FBF1: variants seen among roughly 807,000 people sequenced by gnomAD.
The protein encoded by FBF1 is fas-binding factor 1.
FBF1 carries 119 observed loss-of-function variants against 147.2 expected under a neutral mutation model. The ratio of observed to expected loss-of-function variants is 0.81; its 90% confidence interval spans 0.70 to 0.94. The LOEUF is 0.94. Ranked by LOEUF, FBF1 falls within the 40% of genes least tolerant of loss-of-function variation. FBF1 has a pLI of 0.00. For synonymous variants in FBF1, 601 were observed against 609.0 expected (o/e 0.99, Z 0.19); for missense variants, 1,449 against 1,500.8 (o/e 0.97, Z 0.57).
In FBF1 at chr17:75,919,687, G is replaced by T. The variant is rs769907227; in HGVS notation, c.2119C>A (p.Arg707=). Residue 707 remains arginine, a synonymous_variant, in exon 20 of 30, where the codon CGG becomes AGG. Coordinates refer to ENST00000636174, the MANE Select transcript of FBF1 (RefSeq NM_001319193.2). The surrounding 1 kb of genome is among the most constrained non-coding windows in gnomAD (Gnocchi z 5.0). ...CCTCACCGCTGCAGCTCCCGGAGCC[G>T]CTCCATTTCCTGGTCCTTCTCCTGC... ...IAQEKDQEME[R]LRELQRASIL... 15 of 1,608,122 alleles carry T rather than the reference G, an allele frequency of 9.3e-6. No individual in the cohort carries two copies. Among genetic ancestry groups the T allele is most frequent in the Non-Finnish European group, 1.3e-5 (15 of 1,178,238 alleles).
Position 75,926,418 on chromosome 17 carries a change from T to C in FBF1, c.604A>G (p.Ile202Val), listed in dbSNP as rs2065562361. 2 of 1,567,474 alleles carry C rather than the reference T, an allele frequency of 1.3e-6. No homozygotes were observed. The highest frequency in any genetic ancestry group is 4.5e-5 in the East Asian group (2 of 44,498). The change falls in exon 11 of 30, where the codon ATT (isoleucine) becomes GTT (valine). Residue 202 changes from isoleucine to valine, a missense_variant. Ile to Val is a conservative substitution (Grantham distance 29, BLOSUM62 3). Transcript: ENST00000636174. ...PSTVRDQGPSIPLTPGDTPIR... is the reference protein window; with the variant it reads ...PSTVRDQGPSVPLTPGDTPIR... ...GGGGTGTCCCCAGGAGTTAGAGGAATAGAGGGACCTGAAAGACAAAACAAG... is the reference window on the plus strand; with the variant it reads ...GGGGTGTCCCCAGGAGTTAGAGGAACAGAGGGACCTGAAAGACAAAACAAG...
chr17:75,928,203 C>A lies in FBF1; in HGVS notation c.280-10G>T. On this transcript the variant is annotated splice_polypyrimidine_tract_variant and intron_variant, in intron 7 of 29. Coordinates refer to ENST00000636174, the MANE Select transcript of FBF1 (RefSeq NM_001319193.2). The surrounding 1 kb of genome is among the most constrained non-coding windows in gnomAD (Gnocchi z 4.2). ...CCATGCCGTCCAGGTCCTAGAAAAC[C>A]AGGGAGGGAGGGCAGAGGACTATGT... 1 of 1,612,394 alleles carries A rather than the reference C, an allele frequency of 6.2e-7. No homozygotes were observed. The highest frequency in any genetic ancestry group is 8.5e-7 in the Non-Finnish European group (1 of 1,178,616).
intron 5 of FBF1, 116 bp downstream of exon 5, chr17:75,932,879 A>T (rs1480368984): frequency 1.4e-4 from 20 of 140,514 alleles, no homozygotes; most frequent in African/African-American, 2.8e-4. Context: ...AATATTCTCT[A>T]AAAAAAAAAA....
At chr17:75,914,628 C>T in intron 25 of FBF1, 119 bp downstream of exon 25, 2 of 1,084,766 alleles carry the variant, frequency 1.8e-6, no homozygotes, top group Non-Finnish European at 2.6e-6. Flanking sequence ...GTTTTAATCC[C>T]TATGCTCTTG....
In FBF1 at chr17:75,910,693, C is replaced by T; in HGVS notation, c.*30G>A. 6.3e-7 allele frequency: 1 copy of T among 1,589,236 alleles called. No homozygotes were observed. Among genetic ancestry groups the T allele is most frequent in the Non-Finnish European group, 8.6e-7 (1 of 1,166,892 alleles). On this transcript the variant is annotated 3_prime_UTR_variant, in exon 30 of 30. Transcript: ENST00000636174. The surrounding 1 kb of genome is among the most constrained non-coding windows in gnomAD (Gnocchi z 4.1). ...AACAGGACAGTTCTGGGGTCCGAAC[C>T]CTCTGTTGGGGAATCGGCTGGGGTC...
At chr17:75,926,526 C>T (rs1273970632) in intron 10 of FBF1, 100 bp from the exon 11 acceptor site, 4 of 1,444,978 alleles carry the variant, frequency 2.8e-6, no homozygotes, top group Non-Finnish European at 2.7e-6. Flanking sequence ...TTGGGTAGGA[C>T]GACAGGCTTT....
chr17:75,922,149 C>A lies in FBF1; in HGVS notation c.1425-103G>T, dbSNP rs916253362. The A allele has an allele frequency of 3.1e-5, 29 of 931,456 alleles. No homozygotes were observed. Among genetic ancestry groups the A allele is most frequent in the East Asian group, 5.4e-5 (2 of 37,090 alleles). 57.7% of individuals were successfully genotyped at this position (931,456 alleles called of 1,614,324 possible). A position where few individuals can be genotyped will look rare whatever the true frequency, so the allele number is the denominator to read the frequency against. ...CTTCACACGTGAAGCTCGTGGCCCCCCTTCCTCCTGCTTCCACCATCCCGT... is the reference window on the plus strand; with the variant it reads ...CTTCACACGTGAAGCTCGTGGCCCCACTTCCTCCTGCTTCCACCATCCCGT... On this transcript the variant is annotated intron_variant, in intron 14 of 29. Transcript: ENST00000636174. The surrounding 1 kb of genome is among the most constrained non-coding windows in gnomAD (Gnocchi z 5.0).
rs866450930 is a variant in FBF1, at chr17:75,926,623, T to C, written c.595+135A>G. 4.0e-5 allele frequency: 55 copies of C among 1,384,690 alleles called. No individual in the cohort carries two copies. In the African/African-American group the frequency reaches 6.7e-4, roughly 17 times the overall value. The allele number at this position is 1,384,690 out of a possible 1,614,324, so 85.8% of individuals were successfully genotyped here. A position where few individuals can be genotyped will look rare whatever the true frequency, so the allele number is the denominator to read the frequency against. The stretch of plus-strand genomic sequence containing the variant: ...CTACCTTCCTATTCCTAAAGGCTGA[T>C]GATCTCTTTGTACTGGACCTTAGAC... On this transcript the variant is annotated intron_variant, in intron 10 of 29. Coordinates refer to ENST00000636174, the MANE Select transcript of FBF1 (RefSeq NM_001319193.2).
intron 5 of FBF1, among the ~76,000 whole-genome samples, chr17:75,932,253 T>C (rs548131863): frequency 5.1e-4 from 77 of 152,240 alleles, no homozygotes; most frequent in African/African-American, 1.8e-3. Context: ...GGTGTGTGCC[T>C]GTAATCCCAA....
Position 75,910,622 on chromosome 17 carries a change from T to C in FBF1, c.*101A>G. The C allele has an allele frequency of 9.7e-7, 1 of 1,025,956 alleles. No individual in the cohort carries two copies. Among genetic ancestry groups the C allele is most frequent in the East Asian group, 2.6e-5 (1 of 38,436 alleles). 63.6% of individuals were successfully genotyped at this position (1,025,956 alleles called of 1,614,324 possible). ...AAGAGCTGTCATCAGGCCTCAAGCA[T>C]CTCAGAATCCTCCCCAGGCACTGCC... On this transcript the variant is annotated 3_prime_UTR_variant, in exon 30 of 30. Coordinates refer to ENST00000636174, the MANE Select transcript of FBF1 (RefSeq NM_001319193.2). This position sits in a 1 kb window ranked among gnomAD's most constrained non-coding sequence, Gnocchi z 4.1.
At chr17:75,916,044 G>T (rs1006694837) in intron 23 of FBF1, among the ~76,000 whole-genome samples, 20 of 150,798 alleles carry the variant, frequency 1.3e-4, no homozygotes, top group Non-Finnish European at 2.5e-4. Flanking sequence ...TTTTGGCTGG[G>T]CATGGTGGCT....
At position 75,918,804 on chromosome 17, in the gene FBF1, T is replaced by C. The variant is rs1172136640; in HGVS notation, c.2139-535A>G. Among the ~76,000 whole-genome samples the C allele has an allele frequency of 6.9e-6, 1 of 144,760 alleles. No homozygotes were observed. The highest frequency in any genetic ancestry group is 1.5e-5 in the Non-Finnish European group (1 of 65,980). 95.0% of individuals were successfully genotyped at this position (144,760 alleles called of 152,430 possible). A position where few individuals can be genotyped will look rare whatever the true frequency, so the allele number is the denominator to read the frequency against. Reference sequence around the variant, plus strand: ...ACCACGCCCGGCCCCAAGCAGTCTTTCTTTTTTTTTTTTTTTTTCCTAGAG... The same window carrying C: ...ACCACGCCCGGCCCCAAGCAGTCTTCCTTTTTTTTTTTTTTTTTCCTAGAG... On this transcript the variant is annotated intron_variant, in intron 20 of 29. Transcript: ENST00000636174. The surrounding 1 kb of genome is among the most constrained non-coding windows in gnomAD (Gnocchi z 5.8).
At position 75,922,851 on chromosome 17, in the gene FBF1, G is replaced by A. The variant is rs544711348; in HGVS notation, c.1424+335C>T. Among the ~76,000 whole-genome samples, 12 of 152,370 alleles carry A rather than the reference G, an allele frequency of 7.9e-5. No individual in the cohort carries two copies. The East Asian group carries it at 1.3e-3, about 17-fold the overall frequency. On this transcript the variant is annotated intron_variant, in intron 14 of 29. Coordinates refer to ENST00000636174, the MANE Select transcript of FBF1 (RefSeq NM_001319193.2). This position sits in a 1 kb window ranked among gnomAD's most constrained non-coding sequence, Gnocchi z 5.0. ...GTTTGGATGCCGGGGCTTCCAGCCTGAGGGCGCTGTGACAGGGCAGCGGTG... is the reference window on the plus strand; with the variant it reads ...GTTTGGATGCCGGGGCTTCCAGCCTAAGGGCGCTGTGACAGGGCAGCGGTG...
chr17:75,926,764 C>G lies in FBF1; in HGVS notation c.589G>C (p.Asp197His), dbSNP rs752476506. 1.3e-5 allele frequency: 21 copies of G among 1,613,158 alleles called. No individual in the cohort carries two copies. Among genetic ancestry groups the G allele is most frequent in the Non-Finnish European group, 1.8e-5 (21 of 1,179,618 alleles). The change falls in exon 10 of 30, where the codon GAT (aspartate) becomes CAT (histidine). Residue 197 changes from aspartate (D) to histidine (H), a missense_variant. By Grantham distance (81) the Asp-to-His change is moderately conservative. Transcript: ENST00000636174. ...TGAGCCCACTCCACCCTACCTTGATCTCTCACTGTGCTGGGGCTCTTGTCA... is the reference window on the plus strand; with the variant it reads ...TGAGCCCACTCCACCCTACCTTGATGTCTCACTGTGCTGGGGCTCTTGTCA... ...ASDKSPSTVR[D>H]QGPSIPLTPG...
chr17:75,913,530 T>TCTCA, intron 28 of FBF1, 172 bp downstream of exon 28: 1 of 512,224 alleles, frequency 2.0e-6, no homozygotes, highest in Non-Finnish European at 3.4e-6. Context: ...AGTGTTCCTC[T>TCTCA]ATTTCTGATT....
At chr17:75,929,625 G>A (rs189096595) in intron 7 of FBF1, among the ~76,000 whole-genome samples, 1 of 152,172 alleles carries the variant, frequency 6.6e-6, no homozygotes, top group Non-Finnish European at 1.5e-5. Flanking sequence ...GTATTGAAGG[G>A]GGCTTGGCAG....
Position 75,923,570 on chromosome 17 carries a change from G to T in FBF1, c.1040C>A (p.Ser347Tyr), listed in dbSNP as rs768643909. 4 of 1,610,264 alleles carry T rather than the reference G, an allele frequency of 2.5e-6. No individual in the cohort carries two copies. In the South Asian group the frequency reaches 4.4e-5, roughly 18 times the overall value. The change falls in exon 14 of 30, where the codon TCC becomes TAC. Residue 347 changes from serine to tyrosine, a missense_variant. Physicochemically the swap from Ser to Tyr is moderately radical, Grantham distance 144 (BLOSUM62 -2). Coordinates refer to ENST00000636174, the MANE Select transcript of FBF1 (RefSeq NM_001319193.2). This position sits in a 1 kb window ranked among gnomAD's most constrained non-coding sequence, Gnocchi z 4.1. ...PGSKQSPPMASSPIQPRKGGA... is the reference protein window; with the variant it reads ...PGSKQSPPMAYSPIQPRKGGA... ...TCCCTTCCTGGGCTGGATGGGGCTG[G>T]AAGCCATTGGAGGGCTCTGTTTGGA...
Position 75,921,264 on chromosome 17 carries a change from C to T in FBF1, c.1654G>A (p.Glu552Lys). The change falls in exon 17 of 30, where the codon GAG becomes AAG. Residue 552 changes from glutamate (E) to lysine (K), a missense_variant. By Grantham distance (56) the Glu-to-Lys change is moderately conservative (BLOSUM62 1). Transcript: ENST00000636174. ...TCFPSTQKPT[E>K]PSVPVQPLLP... ...CCTACCTGGACGGGCACGGAAGGCTCTGTGGGTTTCTGGGTGCTCGGGAAA... is the reference window on the plus strand; with the variant it reads ...CCTACCTGGACGGGCACGGAAGGCTTTGTGGGTTTCTGGGTGCTCGGGAAA... 2.5e-6 allele frequency: 4 copies of T among 1,592,122 alleles called. No individual in the cohort carries two copies. Among genetic ancestry groups the T allele is most frequent in the Non-Finnish European group, 3.4e-6 (4 of 1,169,310 alleles).
rs1214561764 is a variant in FBF1, at chr17:75,928,773, A to C, written c.280-580T>G. Among the ~76,000 whole-genome samples the C allele has an allele frequency of 6.6e-6, 1 of 152,018 alleles. No homozygotes were observed. Among genetic ancestry groups the C allele is most frequent in the African/African-American group, 2.4e-5 (1 of 41,370 alleles). ...CAGTGAGCCGAGATCATGCCACTGC[A>C]CTCCAGCCTAGGCAACAGAGCAAGA... On this transcript the variant is annotated intron_variant, in intron 7 of 29. Coordinates refer to ENST00000636174, the MANE Select transcript of FBF1 (RefSeq NM_001319193.2). This position sits in a 1 kb window ranked among gnomAD's most constrained non-coding sequence, Gnocchi z 4.2.
Sources: gnomAD v4.1 joint callset for allele counts (sites outside exome capture counted in the v4.1 genomes callset) on GRCh38, gnomAD v4.1.1 for gene constraint, Gnocchi (gnomAD v3.1) non-coding constraint, MANE v1.5 for transcripts, NCBI Gene and HGNC (gene_info 2026-07-23, HGNC 2026-07-21) for gene names.